The following ESAM variants were observed in gnomAD, a reference collection of about 807,000 sequenced individuals.
The protein encoded by ESAM is endothelial cell adhesion molecule, also known as endothelial cell-selective adhesion molecule.
In ESAM, 23 loss-of-function variants were observed where a neutral mutation model predicts 31.8. That is an observed-to-expected ratio of 0.72 (90% CI 0.52 to 1.03). The LOEUF is 1.03. Among genes scored for constraint, ESAM ranks in the 50% least tolerant of loss-of-function variants. The pLI is 0.00. For synonymous variants in ESAM, 216 were observed against 207.2 expected (o/e 1.04, Z -0.37); for missense variants, 478 against 488.9 (o/e 0.98, Z 0.21).
chr11:124,755,405 A>G (rs938938320), intron 4 of ESAM, among the ~76,000 whole-genome samples: 3 of 151,506 alleles, frequency 2.0e-5, no homozygotes, highest in Admixed American at 6.6e-5. Context: ...TAATAATAAA[A>G]TAAAAATAAA....
rs147752327 is a variant in ESAM, at chr11:124,758,524, G to T, written c.74C>A (p.Pro25His). The change falls in exon 2 of 7, where the codon CCC (proline) becomes CAC (histidine). Residue 25 changes from proline (P) to histidine (H), a missense_variant. Physicochemically the swap from Pro to His is moderately conservative, Grantham distance 77. Transcript: ENST00000278927. Reference sequence around the variant, plus strand: ...CAGTTGCAGCTGGGCCCGCGAGGGGGGCGCTGGAGACAAGAGCGAGGCGTG... The same window carrying T: ...CAGTTGCAGCTGGGCCCGCGAGGGGTGCGCTGGAGACAAGAGCGAGGCGTG... Reference protein sequence around the residue: ...FLFLGLSALAPPSRAQLQLHL... With the variant: ...FLFLGLSALAHPSRAQLQLHL... 23 of 1,553,488 alleles carry T rather than the reference G, an allele frequency of 1.5e-5. No homozygotes were observed. The highest frequency in any genetic ancestry group is 1.7e-5 in the Non-Finnish European group (20 of 1,150,036).
chr11:124,754,889 T>TG lies in ESAM; in HGVS notation c.608-127dup, dbSNP rs35321051. Reference sequence around the variant, plus strand: ...GAGTCACGGCTTGTCTATTCCCTGATGGGGGGAGAGGTGTGACAGCTGGGC... The same window carrying TG: ...GAGTCACGGCTTGTCTATTCCCTGATGGGGGGGAGAGGTGTGACAGCTGGGC... On this transcript the variant is annotated intron_variant, in intron 4 of 6. Coordinates refer to ENST00000278927, the MANE Select transcript of ESAM (RefSeq NM_138961.3). This position sits in a 1 kb window ranked among gnomAD's most constrained non-coding sequence, Gnocchi z 4.5. 7.8e-7 allele frequency: 1 copy of TG among 1,284,370 alleles called. No homozygotes were observed. 79.6% of individuals were successfully genotyped at this position (1,284,370 alleles called of 1,614,324 possible). A position where few individuals can be genotyped will look rare whatever the true frequency, so the allele number is the denominator to read the frequency against.
Position 124,761,893 on chromosome 11 carries a change from C to A in ESAM, c.70+192G>T, listed in dbSNP as rs185372606. On this transcript the variant is annotated intron_variant, in intron 1 of 6. Coordinates refer to ENST00000278927, the MANE Select transcript of ESAM (RefSeq NM_138961.3). ...TCCCCCCGCCATCCGCCCCCACACC[C>A]AAACTGGGGGCTGTCCCCGACAAAG... is the stretch of plus-strand genomic sequence containing the variant. Among the ~76,000 whole-genome samples, 1,324 of 152,238 alleles carry A rather than the reference C, an allele frequency of 8.7e-3. 18 individuals are homozygous for A. The highest frequency in any genetic ancestry group is 0.03 in the African/African-American group (1,249 of 41,534).
intron 1 of ESAM, among the ~76,000 whole-genome samples, chr11:124,758,825 GA>G (rs1192147881): frequency 6.6e-6 from 1 of 152,214 alleles, no homozygotes; most frequent in Admixed American, 6.5e-5. Context: ...GCATCAAAGA[GA>G]GGGGGCAGAT....
At chr11:124,756,124 C>T in intron 4 of ESAM, 83 bp downstream of exon 4, 5 of 1,582,542 alleles carry the variant, frequency 3.2e-6, no homozygotes, top group Non-Finnish European at 3.4e-6. Context: ...CCTTGGCTCC[C>T]CTTTTCACCC....
At chr11:124,755,269 T>C (rs989337590) in intron 4 of ESAM, among the ~76,000 whole-genome samples, 1 of 152,116 alleles carries the variant, frequency 6.6e-6, no homozygotes, top group African/African-American at 2.4e-5. Context: ...GGGGGAGGGA[T>C]AGCATTAGGA....
chr11:124,756,489 C>T (rs1944156316), intron 3 of ESAM, 52 bp downstream of exon 3: 2 of 1,603,260 alleles, frequency 1.2e-6, no homozygotes, highest in Admixed American at 1.7e-5. Context: ...AGAGACTCAC[C>T]AGACCTCCCA....
Position 124,754,204 on chromosome 11 carries a change from G to A in ESAM, c.857+10C>T. The A allele has an allele frequency of 6.2e-7, 1 of 1,613,110 alleles. No individual in the cohort carries two copies. The highest frequency in any genetic ancestry group is 2.2e-5 in the East Asian group (1 of 44,858). On this transcript the variant is annotated intron_variant, in intron 6 of 6. Transcript: ENST00000278927. This position sits in a 1 kb window ranked among gnomAD's most constrained non-coding sequence, Gnocchi z 4.5. ...GAGCCCCCGCTGCAGCAGACACCAGGGACACTTACTTGATATCATTGGCTG... is the reference window on the plus strand; with the variant it reads ...GAGCCCCCGCTGCAGCAGACACCAGAGACACTTACTTGATATCATTGGCTG...
rs763153995 is a variant in ESAM, at chr11:124,756,705, G to C, written c.287C>G (p.Pro96Arg). 6.2e-7 allele frequency: 1 copy of C among 1,614,182 alleles called. No individual in the cohort carries two copies. Among genetic ancestry groups the C allele is most frequent in the Non-Finnish European group, 8.5e-7 (1 of 1,180,044 alleles). Reference sequence around the variant, plus strand: ...CATGGAGTAGACCAAGGATACTCCAGGTTTGCTTGTTGTGACCCCATTGAT... The same window carrying C: ...CATGGAGTAGACCAAGGATACTCCACGTTTGCTTGTTGTGACCCCATTGAT... ...SYINGVTTSKPGVSLVYSMPS... is the reference protein window; with the variant it reads ...SYINGVTTSKRGVSLVYSMPS... The change falls in exon 3 of 7, where the codon CCT (proline) becomes CGT (arginine). Residue 96 changes from proline (P) to arginine (R), a missense_variant. Coordinates refer to ENST00000278927, the MANE Select transcript of ESAM (RefSeq NM_138961.3).
chr11:124,762,031 C>A lies in ESAM; in HGVS notation c.70+54G>T. On this transcript the variant is annotated intron_variant, in intron 1 of 6. Coordinates refer to ENST00000278927, the MANE Select transcript of ESAM (RefSeq NM_138961.3). The surrounding 1 kb of genome is among the most constrained non-coding windows in gnomAD (Gnocchi z 6.4). ...AGTGGCCAAAGTTCTCCCTCAGGGT[C>A]GAACTCACCCCATCCCGCATCCCAA... 6.6e-7 allele frequency: 1 copy of A among 1,514,082 alleles called. No homozygotes were observed. Among genetic ancestry groups the A allele is most frequent in the Non-Finnish European group, 9.1e-7 (1 of 1,103,248 alleles). The allele number at this position is 1,514,082 out of a possible 1,614,324, so 93.8% of individuals were successfully genotyped here. A position where few individuals can be genotyped will look rare whatever the true frequency, so the allele number is the denominator to read the frequency against.
chr11:124,755,773 T>C (rs1049805705), intron 4 of ESAM, among the ~76,000 whole-genome samples: 1 of 152,176 alleles, frequency 6.6e-6, no homozygotes, highest in African/African-American at 2.4e-5. Context: ...GCCTAGGAAA[T>C]TAATAACGTA....
Position 124,759,915 on chromosome 11 carries a change from G to T in ESAM, c.71-1388C>A, listed in dbSNP as rs927967648. On this transcript the variant is annotated intron_variant, in intron 1 of 6. Transcript: ENST00000278927. This position sits in a 1 kb window ranked among gnomAD's most constrained non-coding sequence, Gnocchi z 6.8. ...GCCCGCTGGCCATTCCGCTGAGGCC[G>T]GGCACGCCTGGAGCCTGCAGGTGCT... is the stretch of plus-strand genomic sequence containing the variant. 5.3e-5 allele frequency among the ~76,000 whole-genome samples: 8 copies of T among 152,234 alleles called. No homozygotes were observed. The East Asian group carries it at 1.5e-3, about 29-fold the overall frequency.
Position 124,754,585 on chromosome 11 carries a change from G to C in ESAM, c.730+56C>G, listed in dbSNP as rs1944132716. ...CAGCAGACAGGCCTCCTCCCCACTTGCAACCCCTCCCCCACCATTGACCAC... is the reference window on the plus strand; with the variant it reads ...CAGCAGACAGGCCTCCTCCCCACTTCCAACCCCTCCCCCACCATTGACCAC... On this transcript the variant is annotated intron_variant, in intron 5 of 6. Coordinates refer to ENST00000278927, the MANE Select transcript of ESAM (RefSeq NM_138961.3). This position sits in a 1 kb window ranked among gnomAD's most constrained non-coding sequence, Gnocchi z 4.5. 1 of 1,573,180 alleles carries C rather than the reference G, an allele frequency of 6.4e-7. No homozygotes were observed. The highest frequency in any genetic ancestry group is 2.3e-5 in the East Asian group (1 of 44,382).
At chr11:124,757,835 T>C (rs1302545564) in intron 2 of ESAM, among the ~76,000 whole-genome samples, 1 of 151,936 alleles carries the variant, frequency 6.6e-6, no homozygotes, top group East Asian at 1.9e-4. Flanking sequence ...GTAGCTGGGA[T>C]TACAGGCGGG....
chr11:124,753,896 C>T lies in ESAM; in HGVS notation c.923G>A (p.Gly308Glu), dbSNP rs1394720848. 1 of 1,614,024 alleles carries T rather than the reference C, an allele frequency of 6.2e-7. No homozygotes were observed. The highest frequency in any genetic ancestry group is 8.5e-7 in the Non-Finnish European group (1 of 1,179,996). Reference sequence around the variant, plus strand: ...TGCGGAGGTGACAGAGGAAAGGGTCCCATTCTTGGAGATTGTGTCTGAGCT... The same window carrying T: ...TGCGGAGGTGACAGAGGAAAGGGTCTCATTCTTGGAGATTGTGTCTGAGCT... ...PKSSDTISKNGTLSSVTSARA... is the reference protein window; with the variant it reads ...PKSSDTISKNETLSSVTSARA... The change falls in exon 7 of 7, where the codon GGG becomes GAG. Residue 308 changes from glycine to glutamate, a missense_variant. By Grantham distance (98) the Gly-to-Glu change is moderately conservative. Coordinates refer to ENST00000278927, the MANE Select transcript of ESAM (RefSeq NM_138961.3).
At position 124,753,600 on chromosome 11, in the gene ESAM, A is replaced by G. The variant is rs756927992; in HGVS notation, c.*46T>C. 2 of 1,606,308 alleles carry G rather than the reference A, an allele frequency of 1.2e-6. No homozygotes were observed. Among genetic ancestry groups the G allele is most frequent in the South Asian group, 2.2e-5 (2 of 90,892 alleles). On this transcript the variant is annotated 3_prime_UTR_variant, in exon 7 of 7. Coordinates refer to ENST00000278927, the MANE Select transcript of ESAM (RefSeq NM_138961.3). ...CCTCTGTGCTAGAGGTGACCCTTAT[A>G]GGAAGGAGAGACCCCAAATCCTTTA...
At chr11:124,758,766 G>C (rs907565467) in intron 1 of ESAM, among the ~76,000 whole-genome samples, 1 of 152,324 alleles carries the variant, frequency 6.6e-6, no homozygotes, top group African/African-American at 2.4e-5. Context: ...AGCGGGGATG[G>C]GGACACATTT....
rs1446346018 is a variant in ESAM, at chr11:124,759,211, T to A, written c.71-684A>T. 6.6e-6 allele frequency: 1 copy of A among 152,162 alleles called. No homozygotes were observed. The highest frequency in any genetic ancestry group is 1.5e-5 in the Non-Finnish European group (1 of 68,060). 9.4% of individuals were successfully genotyped at this position (152,162 alleles called of 1,614,324 possible). Reference sequence around the variant, plus strand: ...GAGCCCTTCTGGGGTTCGGGCGATCTGGGCAGAGAACTCTCGGGTGGCAAG... The same window carrying A: ...GAGCCCTTCTGGGGTTCGGGCGATCAGGGCAGAGAACTCTCGGGTGGCAAG... On this transcript the variant is annotated intron_variant, in intron 1 of 6. Transcript: ENST00000278927. The surrounding 1 kb of genome is among the most constrained non-coding windows in gnomAD (Gnocchi z 6.8).
In ESAM at chr11:124,753,969, T is replaced by C. The variant is rs1944123972; in HGVS notation, c.858-8A>G. 3 of 1,612,218 alleles carry C rather than the reference T, an allele frequency of 1.9e-6. No homozygotes were observed. Among genetic ancestry groups the C allele is most frequent in the Non-Finnish European group, 2.5e-6 (3 of 1,179,552 alleles). On this transcript the variant is annotated splice_polypyrimidine_tract_variant and splice_region_variant and intron_variant, in intron 6 of 6. Coordinates refer to ENST00000278927, the MANE Select transcript of ESAM (RefSeq NM_138961.3). ...GGAGCAATGGCATCCTCCCTAGTCA[T>C]CAAAGAAATAACAAGAGGTCAGAAG...
Sources: allele counts gnomAD v4.1 joint callset (sites outside exome capture counted in the v4.1 genomes callset), GRCh38; gene constraint gnomAD v4.1.1; non-coding constraint Gnocchi (gnomAD v3.1); transcripts MANE v1.5; gene names NCBI Gene and HGNC (gene_info 2026-07-23, HGNC 2026-07-21).